Variants in CNTN4 observed in about 807,000 individuals in gnomAD.
CNTN4 encodes contactin-4.
In CNTN4, 77 loss-of-function variants were observed where a neutral mutation model predicts 122.5. The ratio of observed to expected loss-of-function variants is 0.63; its 90% CI spans 0.52 to 0.76. The LOEUF is 0.76. CNTN4 is among the 30% of genes least tolerant of loss of function. The probability of loss-of-function intolerance (pLI) is 0.00; values close to 1 mark genes in which losing one functional copy is unlikely to be tolerated. For synonymous variants in CNTN4, 512 were observed against 447.0 expected, an observed-to-expected ratio of 1.15 and a Z score of -1.83; for missense variants, 1,256 against 1,259.1, an observed-to-expected ratio of 1.00 and a Z score of 0.04.
chr3:2,575,180 C>A (rs1264674921), intron 4 of CNTN4, among the ~76,000 whole-genome samples: 2 of 151,866 alleles, frequency 1.3e-5, no homozygotes, highest in Non-Finnish European at 2.9e-5. Flanking sequence ...TATGTATCCC[C>A]AAAATATGTA....
chr3:3,007,842 A>G (rs982695937), intron 14 of CNTN4, among the ~76,000 whole-genome samples: 1 of 152,196 alleles, frequency 6.6e-6, no homozygotes, highest in East Asian at 1.9e-4. Context: ...TTTTATCCCA[A>G]TTAGAATAAA....
intron 4 of CNTN4, among the ~76,000 whole-genome samples, chr3:2,665,725 C>G (rs767279925): frequency 6.6e-6 from 1 of 152,166 alleles, no homozygotes; most frequent in African/African-American, 2.4e-5. Context: ...ACTTAGGTTA[C>G]CCTCTCAATC....
chr3:2,562,065 A>C (rs547640181), intron 3 of CNTN4, among the ~76,000 whole-genome samples: 1 of 152,164 alleles, frequency 6.6e-6, no homozygotes, highest in African/African-American at 2.4e-5. Context: ...TTCTAAAGGA[A>C]GGATGAAGTA....
chr3:2,525,650 T>G (rs948722161), intron 3 of CNTN4, among the ~76,000 whole-genome samples: 8 of 152,190 alleles, frequency 5.3e-5, no homozygotes, highest in Admixed American at 5.2e-4. Context: ...TCATTTGAAC[T>G]TAACAGATGC....
chr3:3,020,823 C>T (rs902021571), intron 14 of CNTN4, among the ~76,000 whole-genome samples: 2 of 152,194 alleles, frequency 1.3e-5, no homozygotes, highest in African/African-American at 4.8e-5. Flanking sequence ...TTACCTTTCT[C>T]GTGCCAAACA....
chr3:2,464,738 A>C (rs2075437246), intron 3 of CNTN4, among the ~76,000 whole-genome samples: 1 of 152,246 alleles, frequency 6.6e-6, no homozygotes, highest in Non-Finnish European at 1.5e-5. Context: ...AGGAAAGGCA[A>C]ACTCTGCCCT....
At chr3:2,844,874 A>G (rs1307935922) in intron 7 of CNTN4, among the ~76,000 whole-genome samples, 1 of 152,232 alleles carries the variant, frequency 6.6e-6, no homozygotes, top group African/African-American at 2.4e-5. Flanking sequence ...TCCGTAATGC[A>G]TAATGACTGT....
chr3:2,313,027 T>C (rs546049656), intron 2 of CNTN4, among the ~76,000 whole-genome samples: 1 of 152,000 alleles, frequency 6.6e-6, no homozygotes, highest in African/African-American at 2.4e-5. Context: ...ACATGACATA[T>C]TGTAAATAAA....
At chr3:2,926,351 A>G (rs1372807104) in intron 13 of CNTN4, among the ~76,000 whole-genome samples, 2 of 152,152 alleles carry the variant, frequency 1.3e-5, no homozygotes, top group Non-Finnish European at 2.9e-5. Context: ...TCATCTGTAT[A>G]TTTCTTATAC....
At chr3:2,736,123 C>G in intron 4 of CNTN4, 92 bp from the exon 5 acceptor site, 2 of 1,313,666 alleles carry the variant, frequency 1.5e-6, no homozygotes, top group South Asian at 2.4e-5. Flanking sequence ...TTGTTAATTT[C>G]TTTCTATTAT....
chr3:2,099,817 C>G (rs2031752320), intron 1 of CNTN4: 1 of 152,456 alleles, frequency 6.6e-6, no homozygotes, highest in African/African-American at 2.4e-5. Flanking sequence ...AGACCCCAAT[C>G]CACTCACTCT....
chr3:2,371,590 T>C (rs1241209076), intron 3 of CNTN4, among the ~76,000 whole-genome samples: 1 of 152,222 alleles, frequency 6.6e-6, no homozygotes, highest in Admixed American at 6.5e-5. Flanking sequence ...CAGTATAACA[T>C]TTGTTGAATG....
At chr3:2,527,607 G>C (rs1351679888) in intron 3 of CNTN4, among the ~76,000 whole-genome samples, 7 of 151,826 alleles carry the variant, frequency 4.6e-5, no homozygotes, top group African/African-American at 1.7e-4. Flanking sequence ...TGCTTCATCC[G>C]TAAAGCACCT....
chr3:3,001,753 G>A (rs117011277), intron 14 of CNTN4, among the ~76,000 whole-genome samples: 2 of 152,096 alleles, frequency 1.3e-5, no homozygotes, highest in African/African-American at 2.4e-5. Flanking sequence ...AAATTATTAA[G>A]TAGATGCAAA....
chr3:2,636,858 A>G (rs1199880544), intron 4 of CNTN4, among the ~76,000 whole-genome samples: 1 of 150,296 alleles, frequency 6.7e-6, no homozygotes, highest in African/African-American at 2.4e-5. Context: ...TCTCTATATC[A>G]GTTTTTAATT....
chr3:2,282,778 A>C (rs2149909665), intron 2 of CNTN4, among the ~76,000 whole-genome samples: 1 of 152,314 alleles, frequency 6.6e-6, no homozygotes, highest in South Asian at 2.1e-4. Context: ...GATTAAACAA[A>C]ATCTGGCATA....
At chr3:2,191,836 T>G (rs537601632) in intron 2 of CNTN4, among the ~76,000 whole-genome samples, 2 of 152,072 alleles carry the variant, frequency 1.3e-5, no homozygotes, top group African/African-American at 4.8e-5. Flanking sequence ...CCCATTAACT[T>G]GTCATTTACA....
At chr3:2,883,035 T>C in intron 8 of CNTN4, 110 bp from the exon 9 acceptor site, 3 of 745,460 alleles carry the variant, frequency 4.0e-6, no homozygotes, top group South Asian at 3.0e-5. Flanking sequence ...AAGGAATTAA[T>C]TGTGCACATA....
intron 2 of CNTN4, among the ~76,000 whole-genome samples, chr3:2,265,885 C>G (rs2041023998): frequency 6.6e-6 from 1 of 151,766 alleles, no homozygotes; most frequent in Non-Finnish European, 1.5e-5. Flanking sequence ...TGCTAGTGTA[C>G]TGAAACACTA....
Sources: allele counts gnomAD v4.1 joint callset (sites outside exome capture counted in the v4.1 genomes callset), GRCh38; gene constraint gnomAD v4.1.1; transcripts MANE v1.5; gene names NCBI Gene and HGNC (gene_info 2026-07-23, HGNC 2026-07-21).